Variants in NR2F1-AS1 observed in about 807,000 individuals in gnomAD.
NR2F1-AS1 encodes the protein NR2F1 antisense RNA 1.
At chr5:93,525,034 C>A (rs1188730611) in intron 4 of NR2F1-AS1, among the ~76,000 whole-genome samples, 1 of 152,124 alleles carries the variant, frequency 6.6e-6, no homozygotes, top group African/African-American at 2.4e-5. Flanking sequence ...TGTAAATGGA[C>A]TAAATGCCCC....
At chr5:93,580,694 G>C (rs1753005239) in exon 1 of NR2F1-AS1, 1 of 152,992 alleles carries the variant, frequency 6.5e-6, no homozygotes, top group Non-Finnish European at 1.5e-5. Context: ...GCCTCTGACT[G>C]TATGGGGAGT....
intron 4 of NR2F1-AS1, among the ~76,000 whole-genome samples, chr5:93,490,134 T>C (rs1055849496): frequency 2.6e-5 from 4 of 152,118 alleles, no homozygotes; most frequent in African/African-American, 7.3e-5. Flanking sequence ...AATAAATGAA[T>C]AGAATGTTAT....
intron 4 of NR2F1-AS1, among the ~76,000 whole-genome samples, chr5:93,520,949 A>G (rs534597146): frequency 6.6e-6 from 1 of 152,324 alleles, no homozygotes; most frequent in South Asian, 2.1e-4. Flanking sequence ...TACATTTTAC[A>G]TGTTGTATTC....
At chr5:93,563,794 G>T (rs552799680) in intron 1 of NR2F1-AS1, among the ~76,000 whole-genome samples, 10 of 152,060 alleles carry the variant, frequency 6.6e-5, no homozygotes, top group African/African-American at 2.4e-4. Context: ...TGTGTTACCT[G>T]GTCTGCTTAT....
upstream of NR2F1-AS1, among the ~76,000 whole-genome samples, chr5:93,582,271 T>TTAAA (rs1554074296): frequency 7.6e-6 from 1 of 131,066 alleles, no homozygotes; most frequent in African/African-American, 2.7e-5. Context: ...AGCCAGGTGA[T>TTAAA]AAAAAAAAAA....
At chr5:93,581,733 T>TCCCC (rs1230036471), upstream of NR2F1-AS1, among the ~76,000 whole-genome samples, 1 of 33,302 alleles carries the variant, frequency 3.0e-5, no homozygotes, top group Non-Finnish European at 5.0e-5. Flanking sequence ...TCTCTCTCTC[T>TCCCC]CCCCCTCTCC....
At chr5:93,511,132 T>A (rs1751286690) in intron 4 of NR2F1-AS1, among the ~76,000 whole-genome samples, 1 of 152,088 alleles carries the variant, frequency 6.6e-6, no homozygotes, top group Admixed American at 6.6e-5. Context: ...TGCTTCTGAG[T>A]GTGTCTGTGA....
At chr5:93,573,984 A>G (rs1752836902) in intron 1 of NR2F1-AS1, among the ~76,000 whole-genome samples, 1 of 152,246 alleles carries the variant, frequency 6.6e-6, no homozygotes, top group Non-Finnish European at 1.5e-5. Flanking sequence ...GCAATTACCC[A>G]TCGTTGGAGC....
intron 4 of NR2F1-AS1, among the ~76,000 whole-genome samples, chr5:93,524,090 A>T (rs1184478835): frequency 6.6e-6 from 1 of 152,098 alleles, no homozygotes; most frequent in Non-Finnish European, 1.5e-5. Flanking sequence ...ACCCAATGCA[A>T]GGAAGCTAAG....
At chr5:93,484,297 C>T (rs748542214) in intron 4 of NR2F1-AS1, among the ~76,000 whole-genome samples, 36 of 152,126 alleles carry the variant, frequency 2.4e-4, no homozygotes, top group Non-Finnish European at 4.6e-4. Context: ...GGCCAATATT[C>T]AACATTCTTA....
chr5:93,445,374 G>A (rs750727456), intron 4 of NR2F1-AS1, among the ~76,000 whole-genome samples: 2 of 152,008 alleles, frequency 1.3e-5, no homozygotes, highest in Non-Finnish European at 2.9e-5. Flanking sequence ...TATCACCACC[G>A]ATCCCACAGA....
At chr5:93,426,514 T>G (rs1459762127) in intron 4 of NR2F1-AS1, among the ~76,000 whole-genome samples, 1 of 152,248 alleles carries the variant, frequency 6.6e-6, no homozygotes, top group Non-Finnish European at 1.5e-5. Context: ...AAAATACTAC[T>G]AGGACTCAAA....
chr5:93,542,666 G>A (rs752272994), intron 4 of NR2F1-AS1: 2 of 152,230 alleles, frequency 1.3e-5, no homozygotes, highest in Non-Finnish European at 2.9e-5. Flanking sequence ...AATCCTGGGT[G>A]AAGTAAAAAA....
chr5:93,503,812 T>G (rs1751132130), intron 4 of NR2F1-AS1, among the ~76,000 whole-genome samples: 3 of 152,216 alleles, frequency 2.0e-5, no homozygotes. Context: ...AGAGGACTTT[T>G]CAAGGCTTGT....
intron 4 of NR2F1-AS1, among the ~76,000 whole-genome samples, chr5:93,527,564 G>C (rs1446544523): frequency 6.6e-6 from 1 of 152,098 alleles, no homozygotes; most frequent in Admixed American, 6.6e-5. Context: ...AAAGAACAAA[G>C]CTGGAGGCAT....
intron 4 of NR2F1-AS1, among the ~76,000 whole-genome samples, chr5:93,486,444 C>T (rs1750719487): frequency 6.6e-6 from 1 of 151,890 alleles, no homozygotes. Context: ...TACAAACTAC[C>T]ATCAGAGAAT....
At position 93,424,324 on chromosome 5, in the gene NR2F1-AS1, A is replaced by G. The variant is rs530178315; in HGVS notation, n.639-28782T>C. Among the ~76,000 whole-genome samples, 3 of 150,924 alleles carry G rather than the reference A, an allele frequency of 2.0e-5. No individual in the cohort carries two copies. The East Asian group carries it at 5.8e-4, about 29-fold the overall frequency. ...TATATTATATTTTCTAATATATATA[A>G]TTTTATAATTTATATCAAATTAAAT... On this transcript the variant is annotated intron_variant and non_coding_transcript_variant, in intron 4 of 5. Coordinates refer to ENST00000660523, the Ensembl canonical transcript of NR2F1-AS1.
intron 4 of NR2F1-AS1, among the ~76,000 whole-genome samples, chr5:93,495,162 CATT>C (rs1750933550): frequency 6.6e-6 from 1 of 152,102 alleles, no homozygotes; most frequent in African/African-American, 2.4e-5. Context: ...CAAATAATGA[CATT>C]ATACTTACAT....
chr5:93,489,487 T>A (rs955524867), intron 4 of NR2F1-AS1, among the ~76,000 whole-genome samples: 2 of 152,110 alleles, frequency 1.3e-5, no homozygotes, highest in African/African-American at 4.8e-5. Flanking sequence ...AAAACATAAC[T>A]TTTATATGTA....
Sources: allele counts gnomAD v4.1 joint callset (sites outside exome capture counted in the v4.1 genomes callset), GRCh38; gene constraint gnomAD v4.1.1; transcripts MANE v1.5; gene names NCBI Gene and HGNC (gene_info 2026-07-23, HGNC 2026-07-21).